The following SHPK variants were observed in gnomAD, a reference collection of about 807,000 sequenced individuals.
SHPK encodes sedoheptulokinase.
A neutral mutation model predicts 46.3 loss-of-function variants in SHPK; 51 were observed. The ratio of observed to expected loss-of-function variants is 1.10; its 90% CI spans 0.88 to 1.39. The LOEUF (loss-of-function observed/expected upper bound fraction) is 1.39, where lower values mean the gene tolerates loss of function less well. Among genes scored for constraint, SHPK ranks in the 40% most tolerant of loss-of-function variants. The pLI, the probability that SHPK is intolerant of heterozygous loss-of-function variation, is 0.00. For missense variants in SHPK, 668 were observed against 641.3 expected (o/e 1.04, Z -0.45); for synonymous variants, 290 against 273.9 (o/e 1.06, Z -0.58).
At chr17:3,621,487 C>G (rs1038217245) in intron 4 of SHPK, 75 bp from the exon 5 acceptor site, 6 of 1,390,610 alleles carry the variant, frequency 4.3e-6, no homozygotes, top group Non-Finnish European at 6.0e-6. Flanking sequence ...TCCTTCCTTC[C>G]TCCCTTCCTT....
At chr17:3,632,379 T>A (rs546869560) in intron 1 of SHPK, among the ~76,000 whole-genome samples, 42 of 152,218 alleles carry the variant, frequency 2.8e-4, no homozygotes, top group African/African-American at 7.5e-4. Context: ...TCCCAGAACT[T>A]TGAGACCAGC....
chr17:3,628,987 A>T (rs553846008), intron 2 of SHPK, among the ~76,000 whole-genome samples: 188 of 152,014 alleles, frequency 1.2e-3, no homozygotes, highest in African/African-American at 4.5e-3. Context: ...CATAACAGGG[A>T]GCTCCCAACT....
rs567128152 is a variant in SHPK, at chr17:3,615,230, C to G, written c.1024+107G>C. 919 of 1,078,692 alleles carry G rather than the reference C, an allele frequency of 8.5e-4. 1 individual carries two copies. Among genetic ancestry groups the G allele is most frequent in the Non-Finnish European group, 1.2e-3 (838 of 717,314 alleles). 66.8% of individuals were successfully genotyped at this position (1,078,692 alleles called of 1,614,324 possible). A position where few individuals can be genotyped will look rare whatever the true frequency, so the allele number is the denominator to read the frequency against. On this transcript the variant is annotated intron_variant, in intron 6 of 6. Coordinates refer to ENST00000225519, the MANE Select transcript of SHPK (RefSeq NM_013276.4). ...TGCCAGGACCTGGCAGGGTCTGAGACCTCAATGTGGACGCTGAAACCGCAC... is the reference window on the plus strand; with the variant it reads ...TGCCAGGACCTGGCAGGGTCTGAGAGCTCAATGTGGACGCTGAAACCGCAC...
intron 5 of SHPK, among the ~76,000 whole-genome samples, chr17:3,616,305 G>A (rs939026438): frequency 1.3e-5 from 2 of 152,154 alleles, no homozygotes; most frequent in African/African-American, 4.8e-5. Flanking sequence ...TCCTATCTCG[G>A]TCACGCTGTC....
Position 3,636,172 on chromosome 17 carries a change from A to G in SHPK, c.48T>C (p.Ser16=), listed in dbSNP as rs2075525125. 1 of 1,612,112 alleles carries G rather than the reference A, an allele frequency of 6.2e-7. No homozygotes were observed. ...CGGCCCTCAGCAGAGCTGCCTTCAC[A>G]GATGTGGTGCCCAGGTCAATGCCGA... ...ITLGIDLGTT[S]VKAALLRAAP... The change falls in exon 1 of 7, where the codon TCT becomes TCC. Residue 16 remains serine, a synonymous_variant. Transcript: ENST00000225519.
Position 3,636,141 on chromosome 17 carries a change from C to T in SHPK, c.79G>A (p.Asp27Asn), listed in dbSNP as rs1420638332. The change falls in exon 1 of 7, where the codon GAC (aspartate) becomes AAC (asparagine). Residue 27 changes from aspartate to asparagine, a missense_variant. Physicochemically the swap from Asp to Asn is conservative, Grantham distance 23 (BLOSUM62 1). Coordinates refer to ENST00000225519, the MANE Select transcript of SHPK (RefSeq NM_013276.4). ...AGCACTGCGAACCCGGATGGGTCGT[C>T]GGGCGCGGCCCTCAGCAGAGCTGCC... ...VKAALLRAAPDDPSGFAVLAS... is the reference protein window; with the variant it reads ...VKAALLRAAPNDPSGFAVLAS... The T allele has an allele frequency of 1.9e-6, 3 of 1,611,684 alleles. No homozygotes were observed. Among genetic ancestry groups the T allele is most frequent in the Non-Finnish European group, 2.5e-6 (3 of 1,179,026 alleles).
In SHPK at chr17:3,615,354, T is replaced by C. The variant is rs1163853486; in HGVS notation, c.1007A>G (p.Gln336Arg). ...VLATFVHMLVQWMADLGLEVE... is the reference protein window; with the variant it reads ...VLATFVHMLVRWMADLGLEVE... ...CACCTTACCTAGATCTGCCATCCACTGAACCAGCATGTGGACGAACGTGGC... is the reference window on the plus strand; with the variant it reads ...CACCTTACCTAGATCTGCCATCCACCGAACCAGCATGTGGACGAACGTGGC... Residue 336 changes from glutamine to arginine, a missense_variant, in exon 6 of 7, where the codon CAG (glutamine) becomes CGG (arginine). Physicochemically the swap from Gln to Arg is conservative, Grantham distance 43 (BLOSUM62 1). Coordinates refer to ENST00000225519, the MANE Select transcript of SHPK (RefSeq NM_013276.4). 1 of 1,614,138 alleles carries C rather than the reference T, an allele frequency of 6.2e-7. No homozygotes were observed. Among genetic ancestry groups the C allele is most frequent in the South Asian group, 1.1e-5 (1 of 91,080 alleles).
intron 5 of SHPK, among the ~76,000 whole-genome samples, chr17:3,617,514 G>A (rs985767250): frequency 1.3e-5 from 2 of 152,160 alleles, no homozygotes; most frequent in Admixed American, 6.6e-5. Flanking sequence ...AGTAGAAAAG[G>A]TTCCAGGAAG....
chr17:3,633,833 A>G (rs2075488761), intron 1 of SHPK, among the ~76,000 whole-genome samples: 1 of 152,104 alleles, frequency 6.6e-6, no homozygotes, highest in South Asian at 2.1e-4. Context: ...AAAAGGGGGA[A>G]AGGTGGGGAA....
chr17:3,611,701 GGAA>G (rs1447147231), intron 6 of SHPK, among the ~76,000 whole-genome samples: 1 of 151,970 alleles, frequency 6.6e-6, no homozygotes, highest in African/African-American at 2.4e-5. Flanking sequence ...TGAAATCCAA[GGAA>G]GAAGGATGAG....
rs1393863135 is a variant in SHPK at position 3,608,303 on chromosome 17, T to C, written c.*2257A>G. ...AAGATTCAGCATATGACTGTTTTCT[T>C]CCCATCTTTTCACTTAAAGGAAGCA... is the stretch of plus-strand genomic sequence containing the variant. On this transcript the variant is annotated 3_prime_UTR_variant, in exon 7 of 7. Coordinates refer to ENST00000225519, the MANE Select transcript of SHPK (RefSeq NM_013276.4). 1 of 152,088 alleles carries C rather than the reference T, an allele frequency of 6.6e-6. No individual in the cohort carries two copies. Among genetic ancestry groups the C allele is most frequent in the Non-Finnish European group, 1.5e-5 (1 of 68,026 alleles). The allele number at this position is 152,088 out of a possible 1,614,324, so 9.4% of individuals were successfully genotyped here. A position where few individuals can be genotyped will look rare whatever the true frequency, so the allele number is the denominator to read the frequency against.
intron 2 of SHPK, 148 bp downstream of exon 2, chr17:3,630,057 G>A (rs1418955637): frequency 7.3e-6 from 7 of 952,924 alleles, no homozygotes; most frequent in Admixed American, 5.9e-5. Context: ...ACCCACGCAG[G>A]AGGCAGCACG....
chr17:3,635,130 C>G (rs2075502762), intron 1 of SHPK, among the ~76,000 whole-genome samples: 1 of 150,172 alleles, frequency 6.7e-6, no homozygotes, highest in East Asian at 2.0e-4. Flanking sequence ...CCAGATCACG[C>G]CACTGTACTC....
chr17:3,633,807 C>T (rs983839551), intron 1 of SHPK, among the ~76,000 whole-genome samples: 3 of 151,750 alleles, frequency 2.0e-5, no homozygotes, highest in Non-Finnish European at 4.4e-5. Context: ...ATGACAATGG[C>T]GGTTTTGTGG....
chr17:3,625,583 A>C (rs1476457951), intron 2 of SHPK, among the ~76,000 whole-genome samples: 1 of 152,022 alleles, frequency 6.6e-6, no homozygotes, highest in Non-Finnish European at 1.5e-5. Context: ...GACCCCCTGG[A>C]CCAGTCTGTC....
intron 1 of SHPK, among the ~76,000 whole-genome samples, chr17:3,634,412 A>AGAGTACTC (rs1483048457): frequency 1.3e-5 from 2 of 151,848 alleles, no homozygotes; most frequent in Non-Finnish European, 2.9e-5. Flanking sequence ...TCTACCAAAA[A>AGAGTACTC]TACAAAAAAA....
At position 3,615,550 on chromosome 17, in the gene SHPK, G is replaced by A. The variant is rs762261823; in HGVS notation, c.824-13C>T. On this transcript the variant is annotated splice_polypyrimidine_tract_variant and intron_variant, in intron 5 of 6. Coordinates refer to ENST00000225519, the MANE Select transcript of SHPK (RefSeq NM_013276.4). ...CTGATGTTGAGAACTGGGGTCCGAAGAGAGCAGAGCTTAGGCCTGTCGGGC... is the reference window on the plus strand; with the variant it reads ...CTGATGTTGAGAACTGGGGTCCGAAAAGAGCAGAGCTTAGGCCTGTCGGGC... 1.1e-5 allele frequency: 17 copies of A among 1,613,524 alleles called. No individual in the cohort carries two copies. Among genetic ancestry groups the A allele is most frequent in the Non-Finnish European group, 1.4e-5 (16 of 1,179,514 alleles).
At chr17:3,611,748 G>C (rs1479672388) in intron 6 of SHPK, among the ~76,000 whole-genome samples, 1 of 149,910 alleles carries the variant, frequency 6.7e-6, no homozygotes, top group East Asian at 2.0e-4. Context: ...TCAGTGTCAA[G>C]CCAGAATCCC....
chr17:3,610,697 G>C lies in SHPK; in HGVS notation c.1300C>G (p.Leu434Val). ...VERVMGSGSA[L>V]SRNDVLKQEV... ...TGCTTCAGCACGTCATTCCTGGACA[G>C]CGCACTCCCACTGCCCATCACCCTC... The change falls in exon 7 of 7, where the codon CTG (leucine) becomes GTG (valine). Residue 434 changes from leucine (L) to valine (V), a missense_variant. By Grantham distance (32) the Leu-to-Val change is conservative. Coordinates refer to ENST00000225519, the MANE Select transcript of SHPK (RefSeq NM_013276.4). The C allele has an allele frequency of 6.2e-7, 1 of 1,614,124 alleles. No individual in the cohort carries two copies. Among genetic ancestry groups the C allele is most frequent in the Non-Finnish European group, 8.5e-7 (1 of 1,180,030 alleles).
Sources: gnomAD v4.1 joint callset for allele counts (sites outside exome capture counted in the v4.1 genomes callset) on GRCh38, gnomAD v4.1.1 for gene constraint, MANE v1.5 for transcripts, NCBI Gene and HGNC (gene_info 2026-07-23, HGNC 2026-07-21) for gene names.